Variants in DHRS7B observed in about 807,000 individuals in gnomAD.
DHRS7B encodes peroxisomal reductase activating PPAR-gamma.
Under a neutral mutation model 26.4 loss-of-function variants are expected in DHRS7B, and 24 were observed. The observed-to-expected ratio is 0.91, with a 90% CI of 0.66 to 1.28. The LOEUF is 1.28. Among genes scored for constraint, DHRS7B ranks in the 50% most tolerant of loss-of-function variants. The pLI is 0.00. For synonymous variants in DHRS7B, 142 were observed against 166.4 expected, an observed-to-expected ratio of 0.85 and a Z score of 1.13; for missense variants, 368 against 419.4, an observed-to-expected ratio of 0.88 and a Z score of 1.07.
chr17:21,184,827 CA>C (rs1216675723), intron 5 of DHRS7B, among the ~76,000 whole-genome samples: 1 of 152,220 alleles, frequency 6.6e-6, no homozygotes, highest in Admixed American at 6.5e-5. Flanking sequence ...GCTTGTCCCA[CA>C]GATATAACCA....
chr17:21,156,119 A>G (rs1973873290), intron 1 of DHRS7B, among the ~76,000 whole-genome samples: 1 of 152,192 alleles, frequency 6.6e-6, no homozygotes, highest in Admixed American at 6.5e-5. Flanking sequence ...TAGAGCAGAA[A>G]CCAATGAAAT....
chr17:21,127,077 G>T, intron 1 of DHRS7B, 86 bp downstream of exon 1: 1 of 1,396,850 alleles, frequency 7.2e-7, no homozygotes, highest in Non-Finnish European at 9.4e-7. Context: ...TGGGTGAGGG[G>T]AAGCGGTGTA....
chr17:21,143,274 G>A (rs1015466974), intron 1 of DHRS7B, among the ~76,000 whole-genome samples: 6 of 152,150 alleles, frequency 3.9e-5, no homozygotes, highest in Non-Finnish European at 5.9e-5. Context: ...TGTTGGCCAA[G>A]CTGGTCTTGA....
At chr17:21,141,640 A>AAAAAAACAAAAAG in intron 1 of DHRS7B, among the ~76,000 whole-genome samples, 1 of 90,078 alleles carries the variant, frequency 1.1e-5, no homozygotes, top group Non-Finnish European at 2.1e-5. Context: ...AAAAAAAAAA[A>AAAAAAACAAAAAG]CAACCTCATC....
intron 1 of DHRS7B, among the ~76,000 whole-genome samples, chr17:21,149,525 A>G (rs1238398778): frequency 1.3e-5 from 2 of 152,214 alleles, no homozygotes; most frequent in Non-Finnish European, 2.9e-5. Flanking sequence ...CCAAAAGACA[A>G]ATCTATCAAA....
chr17:21,144,230 T>A (rs1055198075), intron 1 of DHRS7B, among the ~76,000 whole-genome samples: 2 of 152,196 alleles, frequency 1.3e-5, no homozygotes, highest in Non-Finnish European at 2.9e-5. Context: ...GAGGAACTGT[T>A]ACCTCTTTAC....
At chr17:21,138,777 T>A (rs1438373183) in intron 1 of DHRS7B, among the ~76,000 whole-genome samples, 2 of 152,182 alleles carry the variant, frequency 1.3e-5, no homozygotes, top group African/African-American at 2.4e-5. Flanking sequence ...TCCTTCTGTT[T>A]TTTTAGCAAG....
chr17:21,148,327 A>G (rs1278160258), intron 1 of DHRS7B, among the ~76,000 whole-genome samples: 1 of 152,212 alleles, frequency 6.6e-6, no homozygotes, highest in Non-Finnish European at 1.5e-5. Flanking sequence ...GAAACTTAAG[A>G]TATTGAAATA....
intron 1 of DHRS7B, among the ~76,000 whole-genome samples, chr17:21,138,062 C>CTT (rs201614893): frequency 1.6e-4 from 8 of 49,554 alleles, no homozygotes; most frequent in African/African-American, 1.1e-4. Context: ...TGCCCGGCCT[C>CTT]TTTTAAAAAA....
intron 1 of DHRS7B, among the ~76,000 whole-genome samples, chr17:21,146,243 T>C (rs888549752): frequency 6.6e-6 from 1 of 152,050 alleles, no homozygotes; most frequent in African/African-American, 2.4e-5. Context: ...ACCAGATCTC[T>C]ACAGAAAATT....
At chr17:21,146,679 C>G (rs1405842435) in intron 1 of DHRS7B, among the ~76,000 whole-genome samples, 1 of 152,118 alleles carries the variant, frequency 6.6e-6, no homozygotes, top group Non-Finnish European at 1.5e-5. Context: ...GCAACTTGAT[C>G]TTAAGCAAAA....
intron 1 of DHRS7B, among the ~76,000 whole-genome samples, chr17:21,171,165 C>T (rs1974237297): frequency 6.6e-6 from 1 of 152,230 alleles, no homozygotes; most frequent in Admixed American, 6.5e-5. Flanking sequence ...CCTCCTCAGC[C>T]TTCCTTTAAC....
intron 1 of DHRS7B, among the ~76,000 whole-genome samples, chr17:21,159,028 C>T (rs1185387751): frequency 1.3e-5 from 2 of 151,054 alleles, no homozygotes; most frequent in Non-Finnish European, 2.9e-5. Flanking sequence ...GGATCATAGA[C>T]CTAAATGTAA....
chr17:21,139,292 G>A (rs140192374), intron 1 of DHRS7B, among the ~76,000 whole-genome samples: 156 of 152,236 alleles, frequency 1.0e-3, no homozygotes, highest in African/African-American at 3.6e-3. Flanking sequence ...TTACACAAGC[G>A]AAGATCATTC....
chr17:21,158,698 A>G (rs1367426642), intron 1 of DHRS7B, among the ~76,000 whole-genome samples: 1 of 152,206 alleles, frequency 6.6e-6, no homozygotes, highest in African/African-American at 2.4e-5. Flanking sequence ...AACTGATTAT[A>G]AAGTTTATGT....
At chr17:21,165,336 A>T (rs1237048802) in intron 1 of DHRS7B, among the ~76,000 whole-genome samples, 1 of 151,590 alleles carries the variant, frequency 6.6e-6, no homozygotes, top group South Asian at 2.1e-4. Context: ...GTAACACTAT[A>T]TTCACTTTTT....
intron 2 of DHRS7B, among the ~76,000 whole-genome samples, chr17:21,173,683 T>G (rs1974310953): frequency 6.6e-6 from 1 of 152,196 alleles, no homozygotes; most frequent in African/African-American, 2.4e-5. Flanking sequence ...GAACACCATA[T>G]CTGTCATTGG....
chr17:21,144,387 T>C (rs1348150199), intron 1 of DHRS7B, among the ~76,000 whole-genome samples: 2 of 152,182 alleles, frequency 1.3e-5, no homozygotes, highest in Non-Finnish European at 2.9e-5. Context: ...AATAAGTTGC[T>C]CCAACATGCA....
intron 1 of DHRS7B, among the ~76,000 whole-genome samples, chr17:21,144,246 AT>A: frequency 6.6e-6 from 1 of 152,330 alleles, no homozygotes; most frequent in Middle Eastern, 3.4e-3. Flanking sequence ...TTTACGTCTT[AT>A]CTTATAAGTG....
Sources: gnomAD v4.1 joint callset for allele counts (sites outside exome capture counted in the v4.1 genomes callset) on GRCh38, gnomAD v4.1.1 for gene constraint, MANE v1.5 for transcripts, NCBI Gene and HGNC (gene_info 2026-07-23, HGNC 2026-07-21) for gene names.